The following GIMAP6 variants were observed in gnomAD, a reference collection of about 807,000 sequenced individuals.
GIMAP6 encodes GTPase IMAP family member 6.
Under a neutral mutation model 9.3 loss-of-function variants are expected in GIMAP6, and 6 were observed. The ratio of observed to expected loss-of-function variants is 0.65; its 90% CI spans 0.35 to 1.27. The LOEUF is 1.27. Ranked by LOEUF, GIMAP6 falls within the 50% of genes most tolerant of loss-of-function variation. GIMAP6 has a pLI of 0.03. For synonymous variants in GIMAP6, 156 were observed against 151.1 expected (o/e 1.03, Z -0.24); for missense variants, 333 against 359.5 (o/e 0.93, Z 0.60).
At chr7:150,628,852 G>T (rs1796346915) in intron 2 of GIMAP6, 2 of 834,104 alleles carry the variant, frequency 2.4e-6, no homozygotes, top group Non-Finnish European at 3.5e-6. Flanking sequence ...AAGACCCAGA[G>T]CACATAAAGA....
intron 2 of GIMAP6, 109 bp from the exon 3 acceptor site, chr7:150,628,621 T>C (rs1563336870): frequency 6.3e-7 from 1 of 1,592,414 alleles, no homozygotes. Flanking sequence ...GGGCAGATTG[T>C]AAAAGACCAA....
chr7:150,628,392 T>A lies in GIMAP6; in HGVS notation c.206A>T (p.Lys69Ile). The A allele has an allele frequency of 6.2e-7, 1 of 1,614,140 alleles. No individual in the cohort carries two copies. The highest frequency in any genetic ancestry group is 2.2e-5 in the East Asian group (1 of 44,882). The change falls in exon 3 of 3, where the codon AAA (lysine) becomes ATA (isoleucine). Residue 69 changes from lysine to isoleucine, a missense_variant. By Grantham distance (102) the Lys-to-Ile change is moderately radical (BLOSUM62 -3). Transcript: ENST00000328902. The stretch of plus-strand genomic sequence containing the variant: ...CTTGGTCACGGGTCTGGTGCTGAGT[T>A]TAGACTCGAAGACGTCCCTGCCGAG... ...SILGRDVFES[K>I]LSTRPVTKTS...
intron 1 of GIMAP6, among the ~76,000 whole-genome samples, chr7:150,631,633 G>A (rs78900700): frequency 0.017 from 2,597 of 152,276 alleles, 207 homozygotes; most frequent in Admixed American, 0.13. Context: ...AGGGTTCGGG[G>A]AATGGGTCTG....
Position 150,627,317 on chromosome 7 carries a change from C to A in GIMAP6, c.*402G>T. ...TGGTCAACAGCTTGCATGGAGTTGC[C>A]GCACCAAACGTGACTGCATGACTCC... On this transcript the variant is annotated 3_prime_UTR_variant, in exon 3 of 3. Transcript: ENST00000328902. 1 of 242,162 alleles carries A rather than the reference C, an allele frequency of 4.1e-6. No homozygotes were observed. Among genetic ancestry groups the A allele is most frequent in the Non-Finnish European group, 8.2e-6 (1 of 122,212 alleles). The allele number at this position is 242,162 out of a possible 1,614,324, so 15.0% of individuals were successfully genotyped here.
chr7:150,628,469 G>A lies in GIMAP6; in HGVS notation c.129C>T (p.Leu43=), dbSNP rs1440512871. The A allele has an allele frequency of 9.3e-6, 15 of 1,614,036 alleles. No homozygotes were observed. The highest frequency in any genetic ancestry group is 1.3e-5 in the Non-Finnish European group (15 of 1,180,026). Residue 43 remains leucine (L), a synonymous_variant, in exon 3 of 3, where the codon CTC becomes CTT. Transcript: ENST00000328902. ...KEQKTPRRLR[L]ILMGKTGSGK... ...CACTCCCTGTTTTCCCCATGAGAAT[G>A]AGCCTCAGTCTCCTTGGGGTCTTCT...
intron 2 of GIMAP6, 109 bp from the exon 3 acceptor site, chr7:150,628,621 T>TA (rs1563336872): frequency 6.3e-7 from 1 of 1,592,414 alleles, no homozygotes; most frequent in Admixed American, 1.7e-5. Context: ...GGGCAGATTG[T>TA]AAAAGACCAA....
At chr7:150,629,958 G>A (rs1796362991) in intron 2 of GIMAP6, 100 bp downstream of exon 2, 4 of 802,710 alleles carry the variant, frequency 5.0e-6, no homozygotes, top group South Asian at 5.0e-5. Flanking sequence ...TGTGACTGGG[G>A]GACGTCAGCT....
At chr7:150,630,193 A>G (rs763619569) in intron 1 of GIMAP6, 51 bp from the exon 2 acceptor site, 7 of 1,438,072 alleles carry the variant, frequency 4.9e-6, no homozygotes, top group Non-Finnish European at 6.5e-6. Context: ...GACTTTCCAA[A>G]TGAGTTTCAA....
intron 1 of GIMAP6, among the ~76,000 whole-genome samples, chr7:150,630,993 A>C (rs912775059): frequency 6.6e-6 from 1 of 152,104 alleles, no homozygotes; most frequent in Non-Finnish European, 1.5e-5. Flanking sequence ...CCAAGATCCC[A>C]TAAGGTTCTC....
chr7:150,629,384 A>C (rs534240656), intron 2 of GIMAP6, among the ~76,000 whole-genome samples: 2 of 152,358 alleles, frequency 1.3e-5, no homozygotes, highest in Non-Finnish European at 2.9e-5. Context: ...CAGGCCATTT[A>C]AGTTCATAAA....
chr7:150,628,971 C>T (rs917558052), intron 2 of GIMAP6, among the ~76,000 whole-genome samples: 2 of 152,214 alleles, frequency 1.3e-5, no homozygotes, highest in East Asian at 1.9e-4. Flanking sequence ...GTGGCCATCT[C>T]CTGAATCTCC....
chr7:150,630,826 C>T (rs1002515249), intron 1 of GIMAP6, among the ~76,000 whole-genome samples: 1 of 152,238 alleles, frequency 6.6e-6, no homozygotes, highest in African/African-American at 2.4e-5. Flanking sequence ...AATGTCTCTT[C>T]CCCTATTAAG....
rs1438737435 is a variant in GIMAP6 at position 150,625,631 on chromosome 7, AACTTAT to A, written c.*2082_*2087del. On this transcript the variant is annotated 3_prime_UTR_variant, in exon 3 of 3. Transcript: ENST00000328902. ...ACTTAGAAATAAAATGGCCTTAATT[AACTTAT>A]ACTTGAACTACCAATTCCCTCAAAC... 2 of 152,222 alleles carry A rather than the reference AACTTAT, an allele frequency of 1.3e-5. No individual in the cohort carries two copies. The highest frequency in any genetic ancestry group is 3.8e-4 in the East Asian group (2 of 5,206). 9.4% of individuals were successfully genotyped at this position (152,222 alleles called of 1,614,324 possible).
chr7:150,627,587 G>T lies in GIMAP6; in HGVS notation c.*132C>A. On this transcript the variant is annotated 3_prime_UTR_variant, in exon 3 of 3. Transcript: ENST00000328902. The stretch of plus-strand genomic sequence containing the variant: ...GCTGGACCCTGTCCTCAAGCCCCAT[G>T]CCCCTCTTCCTACACCAGACGTCAT... 9.4e-7 allele frequency: 1 copy of T among 1,062,982 alleles called. No individual in the cohort carries two copies. Among genetic ancestry groups the T allele is most frequent in the Non-Finnish European group, 1.4e-6 (1 of 700,204 alleles). 65.8% of individuals were successfully genotyped at this position (1,062,982 alleles called of 1,614,324 possible).
In GIMAP6 at chr7:150,626,808, T is replaced by C. The variant is rs1479008921; in HGVS notation, c.*911A>G. 6.6e-6 allele frequency: 1 copy of C among 151,966 alleles called. No individual in the cohort carries two copies. The highest frequency in any genetic ancestry group is 1.5e-5 in the Non-Finnish European group (1 of 68,000). The allele number at this position is 151,966 out of a possible 1,614,324, so 9.4% of individuals were successfully genotyped here. ...GGGTGGCAGTGAAGGGCGAGGCAGG[T>C]TGAAAGTAGTCTGTGCCTTCTAGGA... is the stretch of plus-strand genomic sequence containing the variant. On this transcript the variant is annotated 3_prime_UTR_variant, in exon 3 of 3. Transcript: ENST00000328902.
rs1252856287 is a variant in GIMAP6 at position 150,625,565 on chromosome 7, C to T, written c.*2154G>A. 6.6e-6 allele frequency: 1 copy of T among 152,262 alleles called. No homozygotes were observed. Among genetic ancestry groups the T allele is most frequent in the East Asian group, 1.9e-4 (1 of 5,186 alleles). The allele number at this position is 152,262 out of a possible 1,614,324, so 9.4% of individuals were successfully genotyped here. ...TATCTGAATGAAAATGCAAATGATT[C>T]TAACTTTTACTTCAGTAGCTCTGGA... is the stretch of plus-strand genomic sequence containing the variant. On this transcript the variant is annotated 3_prime_UTR_variant, in exon 3 of 3. Transcript: ENST00000328902.
intron 2 of GIMAP6, 59 bp from the exon 3 acceptor site, chr7:150,628,571 G>T: frequency 6.2e-7 from 1 of 1,601,988 alleles, no homozygotes; most frequent in Non-Finnish European, 8.5e-7. Flanking sequence ...ACCCCATCTT[G>T]TCATCACCAG....
rs1189271343 is a variant in GIMAP6 at position 150,628,163 on chromosome 7, G to A, written c.435C>T (p.Arg145=). ...CCCCCACTCCAAAGACCTCCTGCAG[G>A]CGCCTGACCACCTGCTGATCCTCAT... ...FTDEDQQVVR[R]LQEVFGVGVL... Residue 145 remains arginine (R), a synonymous_variant, in exon 3 of 3, where the codon CGC becomes CGT. Coordinates refer to ENST00000328902, the MANE Select transcript of GIMAP6 (RefSeq NM_024711.6). The A allele has an allele frequency of 1.2e-6, 2 of 1,614,216 alleles. No individual in the cohort carries two copies. The highest frequency in any genetic ancestry group is 1.7e-6 in the Non-Finnish European group (2 of 1,180,032).
In GIMAP6 at chr7:150,628,254, G is replaced by C. The variant is rs759208114; in HGVS notation, c.344C>G (p.Ala115Gly). Reference sequence around the variant, plus strand: ...GGGCCCTGGGGCGGATAAGACGATGGCTTGGCAGATAGCGTCTGCCACCTC... The same window carrying C: ...GGGCCCTGGGGCGGATAAGACGATGCCTTGGCAGATAGCGTCTGCCACCTC... ...SPEVADAICQ[A>G]IVLSAPGPHA... is the part of the protein sequence containing the mutation. Residue 115 changes from alanine (A) to glycine (G), a missense_variant, in exon 3 of 3, where the codon GCC becomes GGC. Coordinates refer to ENST00000328902, the MANE Select transcript of GIMAP6 (RefSeq NM_024711.6). The C allele has an allele frequency of 8.1e-6, 13 of 1,614,046 alleles. No individual in the cohort carries two copies. The highest frequency in any genetic ancestry group is 1.3e-5 in the African/African-American group (1 of 74,952).
Sources: gnomAD v4.1 joint callset for allele counts (sites outside exome capture counted in the v4.1 genomes callset) on GRCh38, gnomAD v4.1.1 for gene constraint, MANE v1.5 for transcripts, NCBI Gene and HGNC (gene_info 2026-07-23, HGNC 2026-07-21) for gene names.